Variants in NICN1 observed in about 807,000 individuals in gnomAD.
NICN1 encodes nicolin-1.
A neutral mutation model predicts 26.3 loss-of-function variants in NICN1; 18 were observed. That is an observed-to-expected ratio of 0.68 (90% CI 0.47 to 1.01). NICN1 has a LOEUF of 1.01. Ranked by LOEUF, NICN1 falls within the 50% of genes least tolerant of loss-of-function variation. The pLI, the probability that NICN1 is intolerant of heterozygous loss-of-function variation, is 0.00. For missense variants in NICN1, 239 were observed against 278.3 expected (o/e 0.86, Z 1.00); for synonymous variants, 109 against 111.0 (o/e 0.98, Z 0.11).
In NICN1 at chr3:49,427,664, G is replaced by C. The variant is rs1220018405; in HGVS notation, c.133-1236C>G. 4.8e-5 allele frequency among the ~76,000 whole-genome samples: 6 copies of C among 123,798 alleles called. 1 individual carries two copies. The highest frequency in any genetic ancestry group is 3.3e-4 in the Admixed American group (4 of 12,086). The allele number at this position is 123,798 out of a possible 152,430, so 81.2% of individuals were successfully genotyped here. On this transcript the variant is annotated intron_variant, in intron 1 of 5. Coordinates refer to ENST00000273598, the MANE Select transcript of NICN1 (RefSeq NM_032316.3). ...TCTCAGAAAAAAAAAAAAAAAAAAA[G>C]AAATGTAGATAATGTAAAAGTAGCA...
Position 49,424,967 on chromosome 3 carries a change from T to G in NICN1, c.582A>C (p.Ala194=). 16 of 1,614,054 alleles carry G rather than the reference T, an allele frequency of 9.9e-6. No homozygotes were observed. The highest frequency in any genetic ancestry group is 1.4e-5 in the Non-Finnish European group (16 of 1,180,012). Residue 194 remains alanine, a synonymous_variant, in exon 5 of 6, where the codon GCA becomes GCC. Coordinates refer to ENST00000273598, the MANE Select transcript of NICN1 (RefSeq NM_032316.3). ...TACTTACATCAAAGCGGCCGATCCTTGCGGAGGTGTGACTGGCCCGGATCA... is the reference window on the plus strand; with the variant it reads ...TACTTACATCAAAGCGGCCGATCCTGGCGGAGGTGTGACTGGCCCGGATCA... The part of the protein sequence containing the change: ...TEMIRASHTS[A]RIGRFDVDGC...
chr3:49,429,275 C>T lies in NICN1; in HGVS notation c.-36G>A, dbSNP rs529565084. 9 of 1,562,284 alleles carry T rather than the reference C, an allele frequency of 5.8e-6. No homozygotes were observed. In the East Asian group the frequency reaches 2.2e-4, roughly 39 times the overall value. On this transcript the variant is annotated 5_prime_UTR_variant, in exon 1 of 6. Transcript: ENST00000273598. ...GCCGCAACTAAGTGCAACCGCCGCT[C>T]TAGGCCCCCGACCACCAGCCCTTCC...
Position 49,422,602 on chromosome 3 carries a change from T to G in NICN1, c.*2231A>C. ...GCAGCCCCAAGGGCAGGCTGGGATT[T>G]AGAGCAGAGAATGCAGGAACCCGCA... On this transcript the variant is annotated 3_prime_UTR_variant, in exon 6 of 6. Coordinates refer to ENST00000273598, the MANE Select transcript of NICN1 (RefSeq NM_032316.3). The G allele has an allele frequency of 1.2e-6, 1 of 847,172 alleles. No individual in the cohort carries two copies. The highest frequency in any genetic ancestry group is 2.0e-6 in the Non-Finnish European group (1 of 512,668). The allele number at this position is 847,172 out of a possible 1,614,324, so 52.5% of individuals were successfully genotyped here.
rs1020429713 is a variant in NICN1 at position 49,425,822 on chromosome 3, T to C, written c.423+61A>G. ...CCCATTACCCACCCCACCACCTAGC[T>C]TTCCCAGTCATAGAAGCTTTCTGGG... On this transcript the variant is annotated intron_variant, in intron 3 of 5. Coordinates refer to ENST00000273598, the MANE Select transcript of NICN1 (RefSeq NM_032316.3). 1.1e-5 allele frequency: 10 copies of C among 891,532 alleles called. No homozygotes were observed. The African/African-American group carries it at 1.5e-4, about 13-fold the overall frequency. 55.2% of individuals were successfully genotyped at this position (891,532 alleles called of 1,614,324 possible). A position where few individuals can be genotyped will look rare whatever the true frequency, so the allele number is the denominator to read the frequency against.
Position 49,425,056 on chromosome 3 carries a change from G to C in NICN1, c.496-3C>G. 6.2e-7 allele frequency: 1 copy of C among 1,610,796 alleles called. No homozygotes were observed. Among genetic ancestry groups the C allele is most frequent in the Non-Finnish European group, 8.5e-7 (1 of 1,177,094 alleles). On this transcript the variant is annotated splice_region_variant and splice_polypyrimidine_tract_variant and intron_variant, in intron 4 of 5. Coordinates refer to ENST00000273598, the MANE Select transcript of NICN1 (RefSeq NM_032316.3). Reference sequence around the variant, plus strand: ...ACCCTGCTGGGGTCTGGGAGACCCTGCTCCAGAAGGAGGGGTCAGTGGCCA... The same window carrying C: ...ACCCTGCTGGGGTCTGGGAGACCCTCCTCCAGAAGGAGGGGTCAGTGGCCA...
chr3:49,427,034 A>G (rs1428511660), intron 1 of NICN1, among the ~76,000 whole-genome samples: 1 of 152,154 alleles, frequency 6.6e-6, no homozygotes, highest in Non-Finnish European at 1.5e-5. Flanking sequence ...GAAATGTAGA[A>G]AACGTGGCCG....
Position 49,429,279 on chromosome 3 carries a change from G to GC in NICN1, c.-41dup. On this transcript the variant is annotated 5_prime_UTR_variant, in exon 1 of 6. An upstream open reading frame in the 5' UTR gains an earlier in-frame stop. Transcript: ENST00000273598. ...CAACTAAGTGCAACCGCCGCTCTAG[G>GC]CCCCCGACCACCAGCCCTTCCCGGC... is the stretch of plus-strand genomic sequence containing the variant. The GC allele has an allele frequency of 6.4e-7, 1 of 1,552,976 alleles. No homozygotes were observed. The highest frequency in any genetic ancestry group is 8.7e-7 in the Non-Finnish European group (1 of 1,146,052).
chr3:49,426,684 C>A (rs559349961), intron 1 of NICN1, among the ~76,000 whole-genome samples: 1 of 152,210 alleles, frequency 6.6e-6, no homozygotes, highest in Non-Finnish European at 1.5e-5. Flanking sequence ...CGTGCCACCA[C>A]GCCCAGCTAA....
chr3:49,429,206 C>G lies in NICN1; in HGVS notation c.34G>C (p.Gly12Arg). 6.2e-7 allele frequency: 1 copy of G among 1,609,608 alleles called. No homozygotes were observed. Among genetic ancestry groups the G allele is most frequent in the Non-Finnish European group, 8.5e-7 (1 of 1,178,056 alleles). ...TCGCCCACCTGGAGGGCTACGGAGC[C>G]TTTCACATGGCAAGGCACCAAAACG... ...SRVLVPCHVK[G>R]SVALQVGDVR... is the part of the protein sequence containing the mutation. The change falls in exon 1 of 6, where the codon GGC becomes CGC. Residue 12 changes from glycine (G) to arginine (R), a missense_variant. Gly to Arg is a moderately radical substitution (Grantham distance 125). Coordinates refer to ENST00000273598, the MANE Select transcript of NICN1 (RefSeq NM_032316.3).
rs763223038 is a variant in NICN1 at position 49,422,367 on chromosome 3, G to A, written c.*2466C>T. On this transcript the variant is annotated 3_prime_UTR_variant, in exon 6 of 6. Coordinates refer to ENST00000273598, the MANE Select transcript of NICN1 (RefSeq NM_032316.3). ...TCAGCACCCTCTATCCCACCTGTGC[G>A]CAACTAAGTGGACGACACAAGGCCG... The A allele has an allele frequency of 2.2e-5, 35 of 1,613,032 alleles. No homozygotes were observed. In the Middle Eastern group the frequency reaches 4.9e-4, roughly 23 times the overall value.
Position 49,426,387 on chromosome 3 carries a change from CA to C in NICN1, c.173del (p.Leu58Ter), listed in dbSNP as rs1559532550. 5 of 1,613,798 alleles carry C rather than the reference CA, an allele frequency of 3.1e-6. No homozygotes were observed. The part of the protein sequence containing the change: ...ITFKNYYTAF[L>X]SIRVRQYTSA... ...AGGTGTACTGACGGACACGGATGCT[CA>C]AAAAAGCTGTGTAGTAATTCTTAAA... On this transcript the variant is annotated frameshift_variant, in exon 2 of 6. Transcript: ENST00000273598. LOFTEE classifies it high-confidence loss of function.
intron 3 of NICN1, 108 bp from the exon 4 acceptor site, chr3:49,425,546 G>A: frequency 1.1e-6 from 1 of 875,200 alleles, no homozygotes; most frequent in South Asian, 1.8e-5. Context: ...TCAGACACTG[G>A]GAAAACCCTG....
At chr3:49,426,658 G>T (rs1248003195) in intron 1 of NICN1, among the ~76,000 whole-genome samples, 1 of 151,860 alleles carries the variant, frequency 6.6e-6, no homozygotes, top group Non-Finnish European at 1.5e-5. Context: ...CTCCCTAGTA[G>T]CCGGGACTAC....
chr3:49,426,449 TACA>T, intron 1 of NICN1, 21 bp from the exon 2 acceptor site: 9 of 1,610,304 alleles, frequency 5.6e-6, no homozygotes, highest in African/African-American at 2.7e-5. Flanking sequence ...TACAACCCAT[TACA>T]ACAAGTCAGA....
chr3:49,422,402 C>T lies in NICN1; in HGVS notation c.*2431G>A, dbSNP rs745598809. 3.1e-6 allele frequency: 5 copies of T among 1,613,596 alleles called. No individual in the cohort carries two copies. The highest frequency in any genetic ancestry group is 4.2e-6 in the Non-Finnish European group (5 of 1,180,016). On this transcript the variant is annotated 3_prime_UTR_variant, in exon 6 of 6. Coordinates refer to ENST00000273598, the MANE Select transcript of NICN1 (RefSeq NM_032316.3). ...GGACGACACAAGGCCGGGGGGAATGCCTGCAGGCGAAAGCCCAGACGGGCC... is the reference window on the plus strand; with the variant it reads ...GGACGACACAAGGCCGGGGGGAATGTCTGCAGGCGAAAGCCCAGACGGGCC...
At position 49,426,337 on chromosome 3, in the gene NICN1, A is replaced by G; in HGVS notation, c.224T>C (p.Val75Ala). ...YTSAHTPAKW[V>A]TCLRDYCLMP... ...TAGGCAGTAGTCCCGCAGGCAGGTC[A>G]CCCACTTGGCAGGTGTGTGTGCTGA... is the stretch of plus-strand genomic sequence containing the variant. The change falls in exon 2 of 6, where the codon GTG becomes GCG. Residue 75 changes from valine to alanine, a missense_variant. By Grantham distance (64) the Val-to-Ala change is moderately conservative (BLOSUM62 0). Transcript: ENST00000273598. 6.2e-7 allele frequency: 1 copy of G among 1,614,202 alleles called. No individual in the cohort carries two copies. Among genetic ancestry groups the G allele is most frequent in the Non-Finnish European group, 8.5e-7 (1 of 1,180,026 alleles).
chr3:49,427,916 G>A (rs537393700), intron 1 of NICN1, among the ~76,000 whole-genome samples: 2 of 152,062 alleles, frequency 1.3e-5, no homozygotes, highest in Non-Finnish European at 2.9e-5. Flanking sequence ...GAACAGCTTG[G>A]GGGAGAACCA....
chr3:49,422,520 C>A lies in NICN1; in HGVS notation c.*2313G>T. The A allele has an allele frequency of 6.7e-7, 1 of 1,495,622 alleles. No homozygotes were observed. The highest frequency in any genetic ancestry group is 9.2e-7 in the Non-Finnish European group (1 of 1,086,062). 92.6% of individuals were successfully genotyped at this position (1,495,622 alleles called of 1,614,324 possible). On this transcript the variant is annotated 3_prime_UTR_variant, in exon 6 of 6. Transcript: ENST00000273598. ...TGCCAGGCACGCCGGGAGATGTAGT[C>A]CAGGCCTCTGCTCGGACAGGTCTCT...
At chr3:49,425,345 C>A in intron 4 of NICN1, 22 bp downstream of exon 4, 1 of 1,600,060 alleles carries the variant, frequency 6.2e-7, no homozygotes, top group South Asian at 1.1e-5. Context: ...ACACATGGTT[C>A]TTACCTAGGG....
Sources: allele counts gnomAD v4.1 joint callset (sites outside exome capture counted in the v4.1 genomes callset), GRCh38; gene constraint gnomAD v4.1.1; transcripts MANE v1.5; gene names NCBI Gene and HGNC (gene_info 2026-07-23, HGNC 2026-07-21).